PRDM16: variants seen among roughly 807,000 people sequenced by gnomAD.
PRDM16 encodes histone-lysine N-methyltransferase PRDM16.
PRDM16 carries 23 observed loss-of-function variants against 110.6 expected under a neutral mutation model. The ratio of observed to expected loss-of-function variants is 0.21; its 90% CI spans 0.15 to 0.29. The LOEUF is 0.29. Among genes scored for constraint, PRDM16 ranks in the 10% least tolerant of loss-of-function variants. PRDM16 has a pLI of 1.00. For synonymous variants in PRDM16, 799 were observed against 781.8 expected, an observed-to-expected ratio of 1.02 and a Z score of -0.37; for missense variants, 1,615 against 1,794.3, an observed-to-expected ratio of 0.90 and a Z score of 1.81.
intron 1 of PRDM16, among the ~76,000 whole-genome samples, chr1:3,119,549 G>C (rs1643044128): frequency 6.6e-6 from 1 of 152,192 alleles, no homozygotes; most frequent in Non-Finnish European, 1.5e-5. Context: ...CCCGTGCCTG[G>C]CATCCAGGGC....
At position 3,069,361 on chromosome 1, in the gene PRDM16, G is replaced by C; in HGVS notation, c.37+65G>C. 1.3e-6 allele frequency: 1 copy of C among 779,916 alleles called. No individual in the cohort carries two copies. Among genetic ancestry groups the C allele is most frequent in the Non-Finnish European group, 1.6e-6 (1 of 642,382 alleles). The allele number at this position is 779,916 out of a possible 1,614,324, so 48.3% of individuals were successfully genotyped here. ...CCGGGCCGCCGGGCCGGGGCGCCCG[G>C]GCCAGGGGTGCGCGTCGGGGCGCGG... On this transcript the variant is annotated intron_variant, in intron 1 of 16. Transcript: ENST00000270722. The surrounding 1 kb of genome is among the most constrained non-coding windows in gnomAD (Gnocchi z 6.1).
chr1:3,101,187 C>T (rs12132760), intron 1 of PRDM16, among the ~76,000 whole-genome samples: 3,986 of 152,260 alleles, frequency 0.026, 79 homozygotes, highest in South Asian at 0.062. Flanking sequence ...TCTCCTCCTG[C>T]TCCTCCTCCC....
chr1:3,261,130 A>AAC (rs1368407928), intron 3 of PRDM16, among the ~76,000 whole-genome samples: 1 of 149,542 alleles, frequency 6.7e-6, no homozygotes, highest in East Asian at 2.0e-4. Flanking sequence ...TTAACAAGAA[A>AAC]AAAAAAAAAA....
At position 3,430,862 on chromosome 1, in the gene PRDM16, A is replaced by G. The variant is rs1025935424; in HGVS notation, c.3285-10A>G. On this transcript the variant is annotated splice_polypyrimidine_tract_variant and intron_variant, in intron 14 of 16. Transcript: ENST00000270722. ...CCAAACTCAGTCAATCTCCTCCTGC[A>G]TCATTTCAGGGCGGACATGCAGATC... 6.2e-7 allele frequency: 1 copy of G among 1,613,506 alleles called. No homozygotes were observed. Among genetic ancestry groups the G allele is most frequent in the Non-Finnish European group, 8.5e-7 (1 of 1,179,556 alleles).
At chr1:3,082,102 A>T (rs974472039) in intron 1 of PRDM16, among the ~76,000 whole-genome samples, 6 of 152,166 alleles carry the variant, frequency 3.9e-5, no homozygotes, top group Admixed American at 3.3e-4. Flanking sequence ...AATGAACTGA[A>T]GCTCCACCAT....
Position 3,081,504 on chromosome 1 carries a change from G to A in PRDM16, c.37+12208G>A, listed in dbSNP as rs1482021119. 6.6e-6 allele frequency among the ~76,000 whole-genome samples: 1 copy of A among 152,162 alleles called. No individual in the cohort carries two copies. The highest frequency in any genetic ancestry group is 1.9e-4 in the East Asian group (1 of 5,162). On this transcript the variant is annotated intron_variant, in intron 1 of 16. Transcript: ENST00000270722. The surrounding 1 kb of genome is among the most constrained non-coding windows in gnomAD (Gnocchi z 4.6). Reference sequence around the variant, plus strand: ...GCAGGGCTGAGGTGGGGAGAACGCCGACTTGCATTTTCTGACAGTCCCCAG... The same window carrying A: ...GCAGGGCTGAGGTGGGGAGAACGCCAACTTGCATTTTCTGACAGTCCCCAG...
intron 3 of PRDM16, among the ~76,000 whole-genome samples, chr1:3,268,607 T>A (rs1640354553): frequency 6.6e-6 from 1 of 152,038 alleles, no homozygotes; most frequent in Admixed American, 6.5e-5. Context: ...CTTAAAAAAA[T>A]CCATCACTCT....
intron 3 of PRDM16, among the ~76,000 whole-genome samples, chr1:3,301,332 CAAAAA>C (rs70938084): frequency 2.0e-5 from 2 of 101,866 alleles, no homozygotes; most frequent in African/African-American, 3.8e-5. Flanking sequence ...GATCCCATCT[CAAAAA>C]AAAAAAAAAA....
intron 3 of PRDM16, among the ~76,000 whole-genome samples, chr1:3,332,914 G>T (rs1241233795): frequency 2.6e-5 from 4 of 152,180 alleles, no homozygotes; most frequent in African/African-American, 7.2e-5. Context: ...TGTGTTCAAG[G>T]TTCTTCCTCA....
intron 1 of PRDM16, among the ~76,000 whole-genome samples, chr1:3,181,264 A>T (rs1644169124): frequency 6.7e-6 from 1 of 149,262 alleles, no homozygotes; most frequent in South Asian, 2.1e-4. Flanking sequence ...ACGCAGTCTT[A>T]CACACGGCCT....
chr1:3,361,040 G>A (rs753053374), intron 3 of PRDM16, among the ~76,000 whole-genome samples: 7 of 152,216 alleles, frequency 4.6e-5, no homozygotes, highest in East Asian at 1.9e-4. Context: ...TAACAACGGC[G>A]GCAGTGTCTG....
chr1:3,329,045 T>TCTCCCTGGGCCCCTC (rs1641986303), intron 3 of PRDM16, among the ~76,000 whole-genome samples: 1 of 151,966 alleles, frequency 6.6e-6, no homozygotes, highest in African/African-American at 2.4e-5. Context: ...ATGGGCGCCT[T>TCTCCCTGGGCCCCTC]CTCCCTGGGC....
intron 1 of PRDM16, among the ~76,000 whole-genome samples, chr1:3,151,475 G>T (rs1201805144): frequency 6.6e-6 from 1 of 152,238 alleles, no homozygotes; most frequent in East Asian, 1.9e-4. Flanking sequence ...AGTTCCATGT[G>T]GGTACCCTTC....
chr1:3,182,352 T>C (rs886623132), intron 1 of PRDM16, among the ~76,000 whole-genome samples: 5 of 152,146 alleles, frequency 3.3e-5, no homozygotes, highest in Non-Finnish European at 7.4e-5. Flanking sequence ...CCCTGGCAGG[T>C]GGACGGTGGT....
chr1:3,224,417 G>T (rs1030096292), intron 2 of PRDM16, among the ~76,000 whole-genome samples: 3 of 152,004 alleles, frequency 2.0e-5, no homozygotes, highest in African/African-American at 7.3e-5. Context: ...CGCCCCTCTC[G>T]CTGGGGTACC....
In PRDM16 at chr1:3,265,081, A is replaced by C. The variant is rs1287920083; in HGVS notation, c.438+20944A>C. Among the ~76,000 whole-genome samples, 2 of 151,884 alleles carry C rather than the reference A, an allele frequency of 1.3e-5. No individual in the cohort carries two copies. Among genetic ancestry groups the C allele is most frequent in the African/African-American group, 4.8e-5 (2 of 41,328 alleles). Reference sequence around the variant, plus strand: ...CTCTCTGACCCAGGGCCCAGGAGGGAGGGGAGACCAGCAGGGAGGCGGGAG... The same window carrying C: ...CTCTCTGACCCAGGGCCCAGGAGGGCGGGGAGACCAGCAGGGAGGCGGGAG... On this transcript the variant is annotated intron_variant, in intron 3 of 16. Transcript: ENST00000270722. The surrounding 1 kb of genome is among the most constrained non-coding windows in gnomAD (Gnocchi z 4.5).
chr1:3,355,360 C>T (rs1642574110), intron 3 of PRDM16, among the ~76,000 whole-genome samples: 1 of 152,172 alleles, frequency 6.6e-6, no homozygotes, highest in African/African-American at 2.4e-5. Flanking sequence ...ATTAATTGCG[C>T]CTGCTCTTCC....
chr1:3,341,799 C>T (rs535160850), intron 3 of PRDM16, among the ~76,000 whole-genome samples: 4 of 152,362 alleles, frequency 2.6e-5, no homozygotes, highest in African/African-American at 9.6e-5. Flanking sequence ...GTGAACCGCC[C>T]GCGCTCTGCA....
rs991888859 is a variant in PRDM16, at chr1:3,414,438, C to G, written c.2604-122C>G. On this transcript the variant is annotated intron_variant, in intron 9 of 16. Coordinates refer to ENST00000270722, the MANE Select transcript of PRDM16 (RefSeq NM_022114.4). ...GCGTTGGGGCAGCCACGGCGAGGTCCACACCATGGCCTTGTGACTGGCCAG... is the reference window on the plus strand; with the variant it reads ...GCGTTGGGGCAGCCACGGCGAGGTCGACACCATGGCCTTGTGACTGGCCAG... The G allele has an allele frequency of 3.8e-5, 27 of 715,876 alleles. No homozygotes were observed. In the African/African-American group the frequency reaches 4.8e-4, roughly 13 times the overall value. 44.3% of individuals were successfully genotyped at this position (715,876 alleles called of 1,614,324 possible).
Sources: gnomAD v4.1 joint callset for allele counts (sites outside exome capture counted in the v4.1 genomes callset) on GRCh38, gnomAD v4.1.1 for gene constraint, Gnocchi (gnomAD v3.1) non-coding constraint, MANE v1.5 for transcripts, NCBI Gene and HGNC (gene_info 2026-07-23, HGNC 2026-07-21) for gene names.